CTNND2: variants seen among roughly 807,000 people sequenced by gnomAD.
CTNND2 encodes catenin delta 2.
Under a neutral mutation model 144.4 loss-of-function variants are expected in CTNND2, and 22 were observed. The observed-to-expected ratio is 0.15, with a 90% CI of 0.11 to 0.22. The LOEUF (loss-of-function observed/expected upper bound fraction) is 0.22, where lower values mean the gene tolerates loss of function less well. CTNND2 is among the 10% of genes least tolerant of loss of function. CTNND2 has a pLI of 1.00. For synonymous variants in CTNND2, 751 were observed against 695.6 expected (o/e 1.08, Z -1.25); for missense variants, 1,353 against 1,618.8 (o/e 0.84, Z 2.82).
At chr5:11,411,994 T>C (rs773100162) in intron 4 of CTNND2, 41 bp downstream of exon 4, 5 of 1,511,286 alleles carry the variant, frequency 3.3e-6, no homozygotes, top group Non-Finnish European at 3.7e-6. Flanking sequence ...AGTAGAGATA[T>C]GTTTAGAAGT....
intron 9 of CTNND2, among the ~76,000 whole-genome samples, chr5:11,319,525 A>T (rs1169657514): frequency 6.6e-6 from 1 of 151,936 alleles, no homozygotes; most frequent in Non-Finnish European, 1.5e-5. Flanking sequence ...GTTTATTTTT[A>T]TTTATTTATT....
chr5:11,636,997 A>G (rs1302224554), intron 2 of CTNND2, among the ~76,000 whole-genome samples: 1 of 152,206 alleles, frequency 6.6e-6, no homozygotes, highest in Non-Finnish European at 1.5e-5. Flanking sequence ...AGGAAAAAAA[A>G]GGTTACCAGC....
chr5:11,717,575 A>G (rs968888969), intron 2 of CTNND2, among the ~76,000 whole-genome samples: 26 of 120,532 alleles, frequency 2.2e-4, no homozygotes, highest in Middle Eastern at 4.3e-3. Context: ...AGAGACTGTG[A>G]AAAAAAAAAA....
chr5:11,457,398 A>G (rs1765826866), intron 3 of CTNND2, among the ~76,000 whole-genome samples: 1 of 152,206 alleles, frequency 6.6e-6, no homozygotes, highest in South Asian at 2.1e-4. Flanking sequence ...ATAGAGAAAC[A>G]ATATTAATTA....
At chr5:11,754,040 A>T (rs1788770155) in intron 1 of CTNND2, among the ~76,000 whole-genome samples, 1 of 149,588 alleles carries the variant, frequency 6.7e-6, no homozygotes, top group African/African-American at 2.5e-5. Flanking sequence ...TGTTATTTCC[A>T]ATTGTGTTTA....
At chr5:11,414,207 C>T (rs535758854) in intron 3 of CTNND2, among the ~76,000 whole-genome samples, 8 of 152,190 alleles carry the variant, frequency 5.3e-5, no homozygotes, top group African/African-American at 1.9e-4. Flanking sequence ...AAGGAAACTC[C>T]CCTGGAGTAT....
intron 9 of CTNND2, among the ~76,000 whole-genome samples, chr5:11,314,132 T>C (rs1440782488): frequency 2.6e-5 from 4 of 152,124 alleles, no homozygotes; most frequent in Admixed American, 1.3e-4. Flanking sequence ...TTGGTACCTA[T>C]CCAACCTGGC....
intron 7 of CTNND2, among the ~76,000 whole-genome samples, chr5:11,379,667 T>C (rs1006936759): frequency 2.0e-5 from 3 of 152,196 alleles, no homozygotes; most frequent in African/African-American, 4.8e-5. Context: ...AATTTTTGTA[T>C]TGTCCCATTT....
Position 11,384,182 on chromosome 5 carries a change from A to T in CTNND2, c.1177+483T>A, listed in dbSNP as rs1758803712. Among the ~76,000 whole-genome samples, 2 of 152,182 alleles carry T rather than the reference A, an allele frequency of 1.3e-5. No individual in the cohort carries two copies. The highest frequency in any genetic ancestry group is 2.9e-5 in the Non-Finnish European group (2 of 68,032). On this transcript the variant is annotated intron_variant, in intron 7 of 21. Transcript: ENST00000304623. This position sits in a 1 kb window ranked among gnomAD's most constrained non-coding sequence, Gnocchi z 5.2. The stretch of plus-strand genomic sequence containing the variant: ...TAATAATTCAAGGCAATTCATTATT[A>T]ATTATTTCCCCACTACTATTGAAAA...
chr5:11,053,602 A>G (rs1580152254), intron 16 of CTNND2, among the ~76,000 whole-genome samples: 1 of 152,244 alleles, frequency 6.6e-6, no homozygotes, highest in Admixed American at 6.5e-5. Context: ...CATGGAAGAT[A>G]TATGTGCATG....
chr5:11,723,854 A>C (rs35198420), intron 2 of CTNND2, among the ~76,000 whole-genome samples: 34,120 of 151,734 alleles, frequency 0.22, 4,735 homozygotes, highest in African/African-American at 0.4. Context: ...CAGGAGATCG[A>C]GACATTCCTG....
At chr5:11,337,976 G>A (rs990053260) in intron 9 of CTNND2, among the ~76,000 whole-genome samples, 4 of 152,156 alleles carry the variant, frequency 2.6e-5, no homozygotes, top group African/African-American at 9.7e-5. Context: ...ACTTCAGGTA[G>A]AAAGGTTAAA....
At chr5:11,796,892 C>T (rs889952617) in intron 1 of CTNND2, among the ~76,000 whole-genome samples, 3 of 152,100 alleles carry the variant, frequency 2.0e-5, no homozygotes, top group Admixed American at 6.5e-5. Context: ...GGTGATAAAA[C>T]TTAAAAAGCA....
intron 3 of CTNND2, among the ~76,000 whole-genome samples, chr5:11,540,546 T>C (rs1177310542): frequency 6.6e-6 from 1 of 152,248 alleles, no homozygotes; most frequent in Admixed American, 6.5e-5. Flanking sequence ...AGAATAAGTC[T>C]TGCTCTGTCG....
At chr5:11,688,796 G>A (rs1010948245) in intron 2 of CTNND2, among the ~76,000 whole-genome samples, 2 of 152,174 alleles carry the variant, frequency 1.3e-5, no homozygotes, top group Non-Finnish European at 2.9e-5. Flanking sequence ...TAAAACGGCT[G>A]CAGCACAGCG....
chr5:11,276,792 A>G (rs1318334503), intron 9 of CTNND2, among the ~76,000 whole-genome samples: 1 of 152,210 alleles, frequency 6.6e-6, no homozygotes, highest in Non-Finnish European at 1.5e-5. Flanking sequence ...GATTCGTGAC[A>G]TGAGCACACA....
chr5:11,306,247 G>A (rs894799725), intron 9 of CTNND2, among the ~76,000 whole-genome samples: 1 of 152,214 alleles, frequency 6.6e-6, no homozygotes, highest in African/African-American at 2.4e-5. Flanking sequence ...GCGTGTGGAG[G>A]TGCAGGCTGA....
chr5:11,491,984 G>C (rs2149994577), intron 3 of CTNND2, among the ~76,000 whole-genome samples: 1 of 152,226 alleles, frequency 6.6e-6, no homozygotes, highest in Non-Finnish European at 1.5e-5. Context: ...AGAAGAACAA[G>C]GACAGCTGTC....
chr5:11,117,669 C>A (rs1437887283), intron 12 of CTNND2, 102 bp from the exon 13 acceptor site: 3 of 885,478 alleles, frequency 3.4e-6, no homozygotes, highest in Admixed American at 2.0e-5. Flanking sequence ...ATGCATTTTT[C>A]CCCACTTTTT....
Sources: allele counts gnomAD v4.1 joint callset (sites outside exome capture counted in the v4.1 genomes callset), GRCh38; gene constraint gnomAD v4.1.1; non-coding constraint Gnocchi (gnomAD v3.1); transcripts MANE v1.5; gene names NCBI Gene and HGNC (gene_info 2026-07-23, HGNC 2026-07-21).